Variants in CADPS2 observed in about 807,000 individuals in gnomAD.
CADPS2 encodes calcium dependent secretion activator 2.
A neutral mutation model predicts 172.5 loss-of-function variants in CADPS2; 93 were observed. That is an observed-to-expected ratio of 0.54 (90% CI 0.46 to 0.64). The LOEUF (loss-of-function observed/expected upper bound fraction) is 0.64, where lower values mean the gene tolerates loss of function less well. Among genes scored for constraint, CADPS2 ranks in the 30% least tolerant of loss-of-function variants. The pLI is 0.00. For missense variants in CADPS2, 1,420 were observed against 1,565.9 expected, an observed-to-expected ratio of 0.91 and a Z score of 1.57; for synonymous variants, 546 against 555.2, an observed-to-expected ratio of 0.98 and a Z score of 0.23.
At chr7:122,566,691 C>T (rs920524065) in intron 7 of CADPS2, among the ~76,000 whole-genome samples, 4 of 152,122 alleles carry the variant, frequency 2.6e-5, no homozygotes, top group Admixed American at 6.6e-5. Context: ...ACTAGAACTT[C>T]ACTCGCTGTA....
At chr7:122,435,892 C>T (rs911557302) in intron 17 of CADPS2, among the ~76,000 whole-genome samples, 1 of 151,840 alleles carries the variant, frequency 6.6e-6, no homozygotes, top group Non-Finnish European at 1.5e-5. Context: ...ACACATGATA[C>T]CACTTATATG....
intron 8 of CADPS2, among the ~76,000 whole-genome samples, chr7:122,547,470 T>G (rs1464411401): frequency 6.6e-6 from 1 of 152,192 alleles, no homozygotes; most frequent in East Asian, 1.9e-4. Flanking sequence ...TCAGTCCACT[T>G]ACAACTGTGA....
intron 3 of CADPS2, among the ~76,000 whole-genome samples, chr7:122,657,919 C>T (rs919971273): frequency 6.6e-6 from 1 of 152,080 alleles, no homozygotes; most frequent in Non-Finnish European, 1.5e-5. Context: ...CACTTTTTGC[C>T]CATTACAGAA....
chr7:122,816,679 T>G (rs948216226), intron 1 of CADPS2, among the ~76,000 whole-genome samples: 1 of 152,236 alleles, frequency 6.6e-6, no homozygotes, highest in Admixed American at 6.5e-5. Context: ...CCTTTCTCCA[T>G]GTCTTCGGCA....
chr7:122,533,611 A>G (rs2061971264), intron 8 of CADPS2, among the ~76,000 whole-genome samples: 1 of 152,176 alleles, frequency 6.6e-6, no homozygotes. Flanking sequence ...AAGCACATGT[A>G]TTTCTCATAT....
chr7:122,405,497 T>G (rs1020177525), intron 20 of CADPS2, among the ~76,000 whole-genome samples: 4 of 152,080 alleles, frequency 2.6e-5, no homozygotes, highest in Non-Finnish European at 5.9e-5. Flanking sequence ...ACCCCGTCTC[T>G]ACCAAAAATA....
rs553014475 is a variant in CADPS2 at position 122,660,396 on chromosome 7, C to G, written c.786+2841G>C. Among the ~76,000 whole-genome samples the G allele has an allele frequency of 1.4e-4, 22 of 152,006 alleles. 1 individual carries two copies. The highest frequency in any genetic ancestry group is 5.3e-4 in the African/African-American group (22 of 41,474). ...TTCGTTTTTTAAAAAAATGTATAAGCAGTACACCAAAAGACACAAAATGGA... is the reference window on the plus strand; with the variant it reads ...TTCGTTTTTTAAAAAAATGTATAAGGAGTACACCAAAAGACACAAAATGGA... On this transcript the variant is annotated intron_variant, in intron 3 of 29. Coordinates refer to ENST00000449022, the MANE Select transcript of CADPS2 (RefSeq NM_017954.11).
chr7:122,728,932 A>C (rs901921270), intron 2 of CADPS2, among the ~76,000 whole-genome samples: 1 of 151,800 alleles, frequency 6.6e-6, no homozygotes, highest in African/African-American at 2.4e-5. Flanking sequence ...CATAATTGTT[A>C]ACTATAGGCA....
chr7:122,770,853 T>G (rs1218269738), intron 1 of CADPS2, among the ~76,000 whole-genome samples: 13 of 152,106 alleles, frequency 8.5e-5, no homozygotes, highest in Non-Finnish European at 7.4e-5. Flanking sequence ...TCCAGACAAC[T>G]AGGACAAAAG....
chr7:122,466,668 T>G (rs1423658607), intron 14 of CADPS2, among the ~76,000 whole-genome samples: 2 of 152,228 alleles, frequency 1.3e-5, no homozygotes, highest in East Asian at 3.8e-4. Flanking sequence ...TACTACATGC[T>G]ATTTAAGCAA....
At chr7:122,801,153 T>G (rs759754182) in intron 1 of CADPS2, among the ~76,000 whole-genome samples, 1 of 151,938 alleles carries the variant, frequency 6.6e-6, no homozygotes, top group Non-Finnish European at 1.5e-5. Context: ...AAAGCAATAC[T>G]CAAAAATATG....
chr7:122,578,268 C>T (rs952064201), intron 7 of CADPS2, among the ~76,000 whole-genome samples: 4 of 151,964 alleles, frequency 2.6e-5, no homozygotes, highest in Admixed American at 6.6e-5. Flanking sequence ...CATCCAGAGA[C>T]GAACACCAAT....
intron 22 of CADPS2, among the ~76,000 whole-genome samples, chr7:122,389,677 C>G (rs1369159545): frequency 6.6e-6 from 1 of 151,630 alleles, no homozygotes; most frequent in Non-Finnish European, 1.5e-5. Context: ...GAAATTTAAC[C>G]ATAAAAAGCA....
At chr7:122,803,624 C>T (rs1488954519) in intron 1 of CADPS2, among the ~76,000 whole-genome samples, 1 of 152,052 alleles carries the variant, frequency 6.6e-6, no homozygotes, top group Non-Finnish European at 1.5e-5. Flanking sequence ...TCTCTTCAAC[C>T]AAAACATTTA....
chr7:122,374,567 T>A (rs2042130022), intron 25 of CADPS2, among the ~76,000 whole-genome samples: 1 of 152,138 alleles, frequency 6.6e-6, no homozygotes. Context: ...AAAGAACTGT[T>A]AGAATAAACA....
intron 12 of CADPS2, among the ~76,000 whole-genome samples, 166 bp downstream of exon 12, chr7:122,480,686 C>T (rs1012662987): frequency 2.0e-5 from 3 of 151,832 alleles, no homozygotes; most frequent in African/African-American, 7.3e-5. Flanking sequence ...TTTTTTGTTG[C>T]GATAGACATT....
intron 2 of CADPS2, chr7:122,697,867 T>C (rs1564093162): frequency 6.2e-7 from 1 of 1,613,292 alleles, no homozygotes; most frequent in Admixed American, 1.7e-5. Context: ...CTCCTCCACA[T>C]GGATTACTTT....
intron 1 of CADPS2, among the ~76,000 whole-genome samples, chr7:122,879,658 A>G (rs1188280515): frequency 6.6e-6 from 1 of 152,222 alleles, no homozygotes; most frequent in African/African-American, 2.4e-5. Flanking sequence ...CTTAGCTATT[A>G]GATTGACAAA....
intron 1 of CADPS2, among the ~76,000 whole-genome samples, chr7:122,880,900 C>T (rs976980876): frequency 6.6e-6 from 1 of 152,120 alleles, no homozygotes; most frequent in East Asian, 1.9e-4. Context: ...CTGATATGTC[C>T]ACTATTTAAT....
Sources: gnomAD v4.1 joint callset for allele counts (sites outside exome capture counted in the v4.1 genomes callset) on GRCh38, gnomAD v4.1.1 for gene constraint, MANE v1.5 for transcripts, NCBI Gene and HGNC (gene_info 2026-07-23, HGNC 2026-07-21) for gene names.